CYFIP1: variants seen among roughly 807,000 people sequenced by gnomAD.
CYFIP1 encodes the protein cytoplasmic FMR1 interacting protein 1.
CYFIP1 carries 58 observed loss-of-function variants against 163.5 expected under a neutral mutation model. The observed-to-expected ratio is 0.35, with a 90% CI of 0.29 to 0.44. The LOEUF is 0.44. Ranked by LOEUF, CYFIP1 falls within the 20% of genes least tolerant of loss-of-function variation. The pLI is 1.00. For missense variants in CYFIP1, 1,338 were observed against 1,653.8 expected (o/e 0.81, Z 3.31); for synonymous variants, 663 against 660.7 (o/e 1.00, Z -0.05).
intron 13 of CYFIP1, among the ~76,000 whole-genome samples, chr15:22,924,293 G>A (rs531341709): frequency 6.6e-6 from 1 of 152,154 alleles, no homozygotes; most frequent in Non-Finnish European, 1.5e-5. Flanking sequence ...GCGTGGTGGT[G>A]GGTGCCTGTA....
rs1173739962 is a variant in CYFIP1, at chr15:22,882,071, G to A, written c.2821-135C>T. The A allele has an allele frequency of 5.5e-6, 4 of 721,816 alleles. No homozygotes were observed. The East Asian group carries it at 1.1e-4, about 20-fold the overall frequency. The allele number at this position is 721,816 out of a possible 1,614,324, so 44.7% of individuals were successfully genotyped here. A position where few individuals can be genotyped will look rare whatever the true frequency, so the allele number is the denominator to read the frequency against. ...GCAAGGCTGCAGGATCGTCTGGCTGGGGAATAAAATCCACCCCGGGAGAGA... is the reference window on the plus strand; with the variant it reads ...GCAAGGCTGCAGGATCGTCTGGCTGAGGAATAAAATCCACCCCGGGAGAGA... On this transcript the variant is annotated intron_variant, in intron 24 of 30. Coordinates refer to ENST00000617928, the MANE Select transcript of CYFIP1 (RefSeq NM_014608.6).
Position 22,882,907 on chromosome 15 carries a change from G to A in CYFIP1, c.2781C>T (p.Ala927=), listed in dbSNP as rs561379476. ...ICRLLGYQGI[A]VVMEELLKVV... ...CCTTCAGCAGCTCCTCCATGACCAC[G>A]GCGATACCCTGGTAGCCGAGAAGCC... Residue 927 remains alanine (A), a synonymous_variant, in exon 24 of 31, where the codon GCC becomes GCT. Coordinates refer to ENST00000617928, the MANE Select transcript of CYFIP1 (RefSeq NM_014608.6). 8.1e-6 allele frequency: 13 copies of A among 1,613,996 alleles called. No homozygotes were observed. The East Asian group carries it at 8.9e-5, about 11-fold the overall frequency.
chr15:22,882,938 ATGACT>A lies in CYFIP1; in HGVS notation c.2745_2749del (p.Gln915HisfsTer105). ...ACCCTGGTAGCCGAGAAGCCGGCAG[ATGACT>A]TGAAAGTGTGGAGGTCCCACGAAGT... On this transcript the variant is annotated frameshift_variant, in exon 24 of 31. Transcript: ENST00000617928. LOFTEE classifies it high-confidence loss of function. 6.2e-7 allele frequency: 1 copy of A among 1,614,108 alleles called. No homozygotes were observed. The highest frequency in any genetic ancestry group is 8.5e-7 in the Non-Finnish European group (1 of 1,179,974).
intron 12 of CYFIP1, 100 bp from the exon 13 acceptor site, chr15:22,926,207 A>T (rs2061352373): frequency 3.2e-6 from 5 of 1,547,420 alleles, no homozygotes; most frequent in Admixed American, 3.5e-5. Flanking sequence ...GCCAGCCTTC[A>T]AACCTTTGCT....
intron 25 of CYFIP1, among the ~76,000 whole-genome samples, chr15:22,881,277 G>A (rs66763751): frequency 0.11 from 17,119 of 152,172 alleles, 1,866 homozygotes; most frequent in East Asian, 0.35. Flanking sequence ...AAGAAAACTC[G>A]GCCAGGTAAG....
chr15:22,962,130 T>A (rs1312823078), intron 1 of CYFIP1, among the ~76,000 whole-genome samples: 1 of 152,194 alleles, frequency 6.6e-6, no homozygotes, highest in Non-Finnish European at 1.5e-5. Flanking sequence ...CATTTAAAAG[T>A]AATCTTGAGA....
intron 21 of CYFIP1, among the ~76,000 whole-genome samples, chr15:22,907,193 G>A (rs532696337): frequency 3.9e-5 from 6 of 152,308 alleles, no homozygotes; most frequent in African/African-American, 1.2e-4. Context: ...TTAGCTCCCT[G>A]AAACCTGTTC....
Position 22,924,416 on chromosome 15 carries a change from T to C in CYFIP1, c.1359+1566A>G, listed in dbSNP as rs560375842. Among the ~76,000 whole-genome samples, 3 of 152,026 alleles carry C rather than the reference T, an allele frequency of 2.0e-5. No homozygotes were observed. In the South Asian group the frequency reaches 6.2e-4, roughly 32 times the overall value. ...TCTAGCCTGGGTGACAGAGCAAGGC[T>C]CCATCTTAAGAAAAATAAAAGGAAA... is the stretch of plus-strand genomic sequence containing the variant. On this transcript the variant is annotated intron_variant, in intron 13 of 30. Transcript: ENST00000617928.
chr15:22,876,948 A>G (rs2059603617), intron 26 of CYFIP1, among the ~76,000 whole-genome samples: 1 of 152,126 alleles, frequency 6.6e-6, no homozygotes, highest in African/African-American at 2.4e-5. Context: ...ATCTCTATCA[A>G]TTCCACAAGG....
intron 3 of CYFIP1, among the ~76,000 whole-genome samples, 158 bp from the exon 4 acceptor site, chr15:22,945,097 C>T (rs756735178): frequency 2.4e-4 from 36 of 152,154 alleles, no homozygotes; most frequent in African/African-American, 5.8e-4. Context: ...CACTGAGGTG[C>T]GGCGCTGGGG....
At chr15:22,979,839 G>A (rs1247883659) in intron 1 of CYFIP1, among the ~76,000 whole-genome samples, 1 of 152,170 alleles carries the variant, frequency 6.6e-6, no homozygotes, top group Non-Finnish European at 1.5e-5. Context: ...TTCAGATCTT[G>A]CTGCGCGACC....
intron 27 of CYFIP1, 82 bp from the exon 28 acceptor site, chr15:22,874,726 C>T (rs1303236708): frequency 3.2e-6 from 3 of 947,388 alleles, no homozygotes; most frequent in African/African-American, 1.7e-5. Context: ...GTTTAAAAAA[C>T]AAAAGATTTT....
At chr15:22,971,459 G>A (rs973706349) in intron 1 of CYFIP1, among the ~76,000 whole-genome samples, 3 of 152,142 alleles carry the variant, frequency 2.0e-5, no homozygotes, top group African/African-American at 7.2e-5. Flanking sequence ...GATCGCTTGA[G>A]GTCAGGAGTT....
chr15:22,874,900 C>G (rs925515592), intron 27 of CYFIP1, among the ~76,000 whole-genome samples: 1 of 152,134 alleles, frequency 6.6e-6, no homozygotes, highest in Non-Finnish European at 1.5e-5. Flanking sequence ...GCACAATGAG[C>G]CTGTACCCAT....
intron 26 of CYFIP1, among the ~76,000 whole-genome samples, chr15:22,879,157 G>C (rs1864506901): frequency 6.6e-6 from 1 of 151,360 alleles, no homozygotes; most frequent in South Asian, 2.1e-4. Flanking sequence ...AAAAGAAAAA[G>C]AAAATAGGCC....
At chr15:22,978,798 A>G (rs1422232721) in intron 1 of CYFIP1, among the ~76,000 whole-genome samples, 2 of 152,078 alleles carry the variant, frequency 1.3e-5, no homozygotes, top group East Asian at 1.9e-4. Context: ...TAAGCGAAAC[A>G]AGCCAGACTC....
At chr15:22,899,257 GAGA>G (rs1227127415) in intron 22 of CYFIP1, among the ~76,000 whole-genome samples, 2 of 152,192 alleles carry the variant, frequency 1.3e-5, no homozygotes, top group Admixed American at 6.5e-5. Flanking sequence ...AAGGGAAAGA[GAGA>G]AGACTAGAAT....
intron 12 of CYFIP1, among the ~76,000 whole-genome samples, chr15:22,927,507 A>AAAAAT (rs2061393953): frequency 1.3e-5 from 2 of 149,160 alleles, no homozygotes; most frequent in Non-Finnish European, 3.0e-5. Flanking sequence ...AAAAAAAAAA[A>AAAAAT]TTAGCCGGGA....
At chr15:22,925,638 C>T (rs118166208) in intron 13 of CYFIP1, among the ~76,000 whole-genome samples, 3,436 of 152,234 alleles carry the variant, frequency 0.023, 51 homozygotes, top group Middle Eastern at 0.099. Context: ...GAAAGGCTCA[C>T]GAGGGGAGTG....
Sources: allele counts gnomAD v4.1 joint callset (sites outside exome capture counted in the v4.1 genomes callset), GRCh38; gene constraint gnomAD v4.1.1; transcripts MANE v1.5; gene names NCBI Gene and HGNC (gene_info 2026-07-23, HGNC 2026-07-21).